TRAPPC8: variants seen among roughly 807,000 people sequenced by gnomAD.
TRAPPC8 encodes general sporulation gene 1 homolog.
In TRAPPC8, 54 loss-of-function variants were observed where a neutral mutation model predicts 174.3. The observed-to-expected ratio is 0.31, with a 90% CI of 0.25 to 0.39. TRAPPC8 has a LOEUF of 0.39. Among genes scored for constraint, TRAPPC8 ranks in the 10% least tolerant of loss-of-function variants. The probability of loss-of-function intolerance (pLI) is 1.00; values close to 1 mark genes in which losing one functional copy is unlikely to be tolerated. For missense variants in TRAPPC8, 1,531 were observed against 1,699.1 expected, an observed-to-expected ratio of 0.90 and a Z score of 1.74; for synonymous variants, 630 against 579.9, an observed-to-expected ratio of 1.09 and a Z score of -1.24.
chr18:31,831,027 T>G (rs748863436), intron 28 of TRAPPC8, 38 bp from the exon 29 acceptor site: 1 of 1,561,612 alleles, frequency 6.4e-7, no homozygotes, highest in Non-Finnish European at 8.7e-7. Context: ...AGGATTTTTT[T>G]CTTTTTAATT....
chr18:31,880,496 C>T (rs1383384963), intron 12 of TRAPPC8, among the ~76,000 whole-genome samples: 2 of 151,860 alleles, frequency 1.3e-5, no homozygotes, highest in South Asian at 2.1e-4. Flanking sequence ...AGAAACATAC[C>T]TAAAAATAAT....
At chr18:31,916,067 A>G (rs1198126560) in intron 4 of TRAPPC8, among the ~76,000 whole-genome samples, 1 of 151,732 alleles carries the variant, frequency 6.6e-6, no homozygotes, top group East Asian at 1.9e-4. Flanking sequence ...AAAAAAAAAA[A>G]AAAAAAAGAA....
intron 11 of TRAPPC8, among the ~76,000 whole-genome samples, chr18:31,896,705 A>C (rs1478367245): frequency 6.6e-6 from 1 of 152,112 alleles, no homozygotes; most frequent in Non-Finnish European, 1.5e-5. Context: ...GGCTCACTGC[A>C]ACCTCCACCT....
At position 31,932,935 on chromosome 18, in the gene TRAPPC8, T is replaced by A. The variant is rs530134750; in HGVS notation, c.158-1412A>T. On this transcript the variant is annotated intron_variant, in intron 1 of 28. Transcript: ENST00000283351. ...GGCTGCAGTGAGCCAAGGCGGAGGG[T>A]TGCAGTGAGCCAAGATTGCGCCACT... is the stretch of plus-strand genomic sequence containing the variant. 8.4e-5 allele frequency among the ~76,000 whole-genome samples: 12 copies of A among 142,700 alleles called. No individual in the cohort carries two copies. In the East Asian group the frequency reaches 2.1e-3, roughly 25 times the overall value. 93.6% of individuals were successfully genotyped at this position (142,700 alleles called of 152,430 possible).
At chr18:31,840,052 A>G (rs2033003981) in intron 26 of TRAPPC8, among the ~76,000 whole-genome samples, 1 of 152,182 alleles carries the variant, frequency 6.6e-6, no homozygotes, top group South Asian at 2.1e-4. Context: ...TCAATAAATA[A>G]TCATTATCAT....
At chr18:31,840,716 A>G (rs931712420) in intron 26 of TRAPPC8, among the ~76,000 whole-genome samples, 5 of 152,224 alleles carry the variant, frequency 3.3e-5, no homozygotes, top group African/African-American at 1.2e-4. Context: ...GACATAGTCA[A>G]TCTGGTGAGC....
rs2033772358 is a variant in TRAPPC8, at chr18:31,852,635, T to C, written c.3462A>G (p.Gly1154=). The C allele has an allele frequency of 6.2e-7, 1 of 1,613,844 alleles. No homozygotes were observed. Among genetic ancestry groups the C allele is most frequent in the Admixed American group, 1.7e-5 (1 of 60,006 alleles). ...ATCTTATTGCCTTAAAGCAAAACTT[T>C]CCCTTCTCCCTACTGGCAAGTTTGG... is the stretch of plus-strand genomic sequence containing the variant. ...KDTKLASREK[G]KFCFKAIRCE... The change falls in exon 23 of 29, where the codon GGA becomes GGG. Residue 1154 remains glycine, a synonymous_variant. Transcript: ENST00000283351.
At chr18:31,901,587 C>A (rs547223479) in intron 9 of TRAPPC8, among the ~76,000 whole-genome samples, 25 of 152,242 alleles carry the variant, frequency 1.6e-4, no homozygotes, top group Non-Finnish European at 2.6e-4. Context: ...AAAGTTAGAT[C>A]AGATAAGATT....
At chr18:31,875,640 A>C (rs1386597078) in intron 12 of TRAPPC8, among the ~76,000 whole-genome samples, 1 of 152,232 alleles carries the variant, frequency 6.6e-6, no homozygotes, top group Non-Finnish European at 1.5e-5. Flanking sequence ...TATTCAGTGC[A>C]TTTACTGCAG....
At position 31,908,964 on chromosome 18, in the gene TRAPPC8, T is replaced by C. The variant is rs777801258; in HGVS notation, c.912A>G (p.Gln304=). ...CAATACTGTTAGAAGGGTCACTGGA[T>C]TGCTCCAACTGAAGTGGGTGAGCTC... ...NFRAHPLQLE[Q]SSDPSNSIDG... is the part of the protein sequence containing the mutation. Residue 304 remains glutamine, a synonymous_variant, in exon 7 of 29, where the codon CAA becomes CAG. Transcript: ENST00000283351. 14 of 1,612,928 alleles carry C rather than the reference T, an allele frequency of 8.7e-6. No individual in the cohort carries two copies. Among genetic ancestry groups the C allele is most frequent in the African/African-American group, 1.3e-5 (1 of 75,018 alleles).
chr18:31,867,344 A>G (rs2034634728), intron 17 of TRAPPC8, 58 bp downstream of exon 17: 1 of 1,181,066 alleles, frequency 8.5e-7, no homozygotes. Flanking sequence ...TTATTTAAAA[A>G]TTTGTTTTCA....
intron 12 of TRAPPC8, among the ~76,000 whole-genome samples, chr18:31,888,159 G>C (rs2035803106): frequency 6.6e-6 from 1 of 152,088 alleles, no homozygotes. Flanking sequence ...AAAAAAGAAT[G>C]CTCAACATCA....
chr18:31,848,605 A>G (rs1417045301), intron 25 of TRAPPC8, among the ~76,000 whole-genome samples: 1 of 152,216 alleles, frequency 6.6e-6, no homozygotes, highest in Admixed American at 6.5e-5. Flanking sequence ...TGGTTTCAAA[A>G]AAATGTTTAT....
At chr18:31,906,808 C>T (rs2036680649) in intron 9 of TRAPPC8, among the ~76,000 whole-genome samples, 1 of 152,118 alleles carries the variant, frequency 6.6e-6, no homozygotes, top group Non-Finnish European at 1.5e-5. Context: ...TAAGTGCATG[C>T]TTTATACTTT....
rs1210513267 is a variant in TRAPPC8, at chr18:31,870,491, C to A, written c.2269G>T (p.Val757Leu). 3.1e-6 allele frequency: 5 copies of A among 1,609,654 alleles called. No individual in the cohort carries two copies. The highest frequency in any genetic ancestry group is 1.7e-5 in the Admixed American group (1 of 59,126). ...AAAGGGTTTCTAAAAGCCACTTCCA[C>A]TGTAATTGGTTCTATTAAAAAAAAG... is the stretch of plus-strand genomic sequence containing the variant. ...PLAVVEEPITVEVAFRNPLKV... is the reference protein window; with the variant it reads ...PLAVVEEPITLEVAFRNPLKV... Residue 757 changes from valine to leucine, a missense_variant, in exon 16 of 29, where the codon GTG becomes TTG. Val to Leu is a conservative substitution (Grantham distance 32). Coordinates refer to ENST00000283351, the MANE Select transcript of TRAPPC8 (RefSeq NM_014939.5).
intron 1 of TRAPPC8, among the ~76,000 whole-genome samples, chr18:31,940,103 T>C (rs951514830): frequency 6.6e-6 from 1 of 152,130 alleles, no homozygotes; most frequent in Admixed American, 6.6e-5. Flanking sequence ...ATGTAAAATA[T>C]CTCATGAATA....
At chr18:31,889,122 A>G (rs1171105565) in intron 12 of TRAPPC8, among the ~76,000 whole-genome samples, 1 of 152,168 alleles carries the variant, frequency 6.6e-6, no homozygotes, top group Non-Finnish European at 1.5e-5. Flanking sequence ...CTGTTTTGTG[A>G]AAGAGCTGTC....
In TRAPPC8 at chr18:31,852,614, T is replaced by C. The variant is rs1320173057; in HGVS notation, c.3483A>G (p.Ile1161Met). 2 of 1,614,062 alleles carry C rather than the reference T, an allele frequency of 1.2e-6. No homozygotes were observed. Among genetic ancestry groups the C allele is most frequent in the East Asian group, 4.5e-5 (2 of 44,850 alleles). Residue 1161 changes from isoleucine to methionine, a missense_variant, in exon 23 of 29, where the codon ATA becomes ATG. Transcript: ENST00000283351. Reference sequence around the variant, plus strand: ...ATTTACCTTCTTCTTTCTCACATCTTATTGCCTTAAAGCAAAACTTTCCCT... The same window carrying C: ...ATTTACCTTCTTCTTTCTCACATCTCATTGCCTTAAAGCAAAACTTTCCCT... The part of the protein sequence containing the change: ...REKGKFCFKA[I>M]RCEKEEAATQ...
At chr18:31,840,634 C>T (rs972007897) in intron 26 of TRAPPC8, among the ~76,000 whole-genome samples, 1 of 152,118 alleles carries the variant, frequency 6.6e-6, no homozygotes, top group Non-Finnish European at 1.5e-5. Flanking sequence ...TTTATTGAAA[C>T]GCAGCCACAT....
Sources: gnomAD v4.1 joint callset for allele counts (sites outside exome capture counted in the v4.1 genomes callset) on GRCh38, gnomAD v4.1.1 for gene constraint, MANE v1.5 for transcripts, NCBI Gene and HGNC (gene_info 2026-07-23, HGNC 2026-07-21) for gene names.